OR2M4: variants seen among roughly 807,000 people sequenced by gnomAD.
OR2M4 encodes olfactory receptor family 2 subfamily M member 4, also known as olfactory receptor 2M4.
Under a neutral mutation model 13.7 loss-of-function variants are expected in OR2M4, and 8 were observed. The ratio of observed to expected loss-of-function variants is 0.58; its 90% confidence interval spans 0.34 to 1.05. The LOEUF (loss-of-function observed/expected upper bound fraction) is 1.05. OR2M4 is among the 50% of genes least tolerant of loss of function. The pLI, the probability that OR2M4 is intolerant of heterozygous loss-of-function variation, is 0.02. For synonymous variants in OR2M4, 152 were observed against 141.3 expected (o/e 1.08, Z -0.53); for missense variants, 374 against 381.6 (o/e 0.98, Z 0.17).
intron 1 of OR2M4, among the ~76,000 whole-genome samples, chr1:248,232,744 A>T (rs1666516972): frequency 6.6e-6 from 1 of 152,158 alleles, no homozygotes; most frequent in Non-Finnish European, 1.5e-5. Context: ...AAAGAAAGGT[A>T]CTGCTCCTTC....
In OR2M4 at chr1:248,240,192, T is replaced by G. The variant is rs1277602867; in HGVS notation, c.*328T>G. 5.8e-6 allele frequency: 1 copy of G among 173,764 alleles called. No individual in the cohort carries two copies. The highest frequency in any genetic ancestry group is 1.6e-4 in the East Asian group (1 of 6,216). The allele number at this position is 173,764 out of a possible 1,614,324, so 10.8% of individuals were successfully genotyped here. A position where few individuals can be genotyped will look rare whatever the true frequency, so the allele number is the denominator to read the frequency against. Reference sequence around the variant, plus strand: ...CTGTATCAAAAAGCAAAGGTTGGAGTTGATCCTCTGTTTTTGGAGAGATGC... The same window carrying G: ...CTGTATCAAAAAGCAAAGGTTGGAGGTGATCCTCTGTTTTTGGAGAGATGC... On this transcript the variant is annotated 3_prime_UTR_variant, in exon 2 of 2. Transcript: ENST00000641868.
rs776034539 is a variant in OR2M4 at position 248,239,235 on chromosome 1, T to G, written c.307T>G (p.Phe103Val). The G allele has an allele frequency of 2.2e-5, 35 of 1,614,040 alleles. No homozygotes were observed. The highest frequency in any genetic ancestry group is 3.0e-5 in the Non-Finnish European group (35 of 1,180,024). The part of the protein sequence containing the change: ...SLAGCGTQIF[F>V]YVSLLGAECF... ...GGCAGGTTGTGGAACTCAGATATTC[T>G]TCTATGTGTCCCTGCTTGGAGCTGA... The change falls in exon 2 of 2, where the codon TTC becomes GTC. Residue 103 changes from phenylalanine to valine, a missense_variant. By Grantham distance (50) the Phe-to-Val change is conservative. Coordinates refer to ENST00000641868, the MANE Select transcript of OR2M4 (RefSeq NM_017504.2).
rs1666637140 is a variant in OR2M4, at chr1:248,243,512, C to G, written c.*3648C>G. On this transcript the variant is annotated 3_prime_UTR_variant, in exon 2 of 2. Coordinates refer to ENST00000641868, the MANE Select transcript of OR2M4 (RefSeq NM_017504.2). ...ATTAGATGTTTCGGGCTACAGCCCT[C>G]CCTCAGGCAGAGGCCACAGCAGAGA... is the stretch of plus-strand genomic sequence containing the variant. The G allele has an allele frequency of 1.3e-5, 2 of 152,190 alleles. No homozygotes were observed. The highest frequency in any genetic ancestry group is 4.8e-5 in the African/African-American group (2 of 41,418). The allele number at this position is 152,190 out of a possible 1,614,324, so 9.4% of individuals were successfully genotyped here.
intron 1 of OR2M4, among the ~76,000 whole-genome samples, chr1:248,233,022 T>C (rs1436272289): frequency 1.3e-5 from 2 of 152,160 alleles, no homozygotes; most frequent in East Asian, 3.8e-4. Flanking sequence ...AAATTTTATT[T>C]TGGAATATTG....
Position 248,240,477 on chromosome 1 carries a change from C to T in OR2M4, c.*613C>T, listed in dbSNP as rs911648400. On this transcript the variant is annotated 3_prime_UTR_variant, in exon 2 of 2. Coordinates refer to ENST00000641868, the MANE Select transcript of OR2M4 (RefSeq NM_017504.2). ...AATAAAATTAAATATTTTAAGGAGT[C>T]CACATAAAATATCTATTTGGGCTGC... The T allele has an allele frequency of 2.0e-5, 3 of 152,088 alleles. No individual in the cohort carries two copies. The highest frequency in any genetic ancestry group is 4.4e-5 in the Non-Finnish European group (3 of 68,024). 9.4% of individuals were successfully genotyped at this position (152,088 alleles called of 1,614,324 possible). A position where few individuals can be genotyped will look rare whatever the true frequency, so the allele number is the denominator to read the frequency against.
In OR2M4 at chr1:248,239,713, C is replaced by A. The variant is rs41303133; in HGVS notation, c.785C>A (p.Pro262Gln). Reference sequence around the variant, plus strand: ...GCTGCTATGTTCATGTACATGAGACCAGCTTCTAAACATACGCCAGACCAG... The same window carrying A: ...GCTGCTATGTTCATGTACATGAGACAAGCTTCTAAACATACGCCAGACCAG... ...YGAAMFMYMR[P>Q]ASKHTPDQDK... Residue 262 changes from proline (P) to glutamine (Q), a missense_variant, in exon 2 of 2, where the codon CCA becomes CAA. By Grantham distance (76) the Pro-to-Gln change is moderately conservative (BLOSUM62 -1). Coordinates refer to ENST00000641868, the MANE Select transcript of OR2M4 (RefSeq NM_017504.2). The A allele has an allele frequency of 6.5e-3, 10,450 of 1,614,014 alleles. 45 individuals carry two copies. The highest frequency in any genetic ancestry group is 7.8e-3 in the Non-Finnish European group (9,181 of 1,180,018).
rs567276630 is a variant in OR2M4 at position 248,232,630 on chromosome 1, T to A, written c.-20+1050T>A. On this transcript the variant is annotated intron_variant, in intron 1 of 1. Coordinates refer to ENST00000641868, the MANE Select transcript of OR2M4 (RefSeq NM_017504.2). ...ATTCTTCTCCATTTTTCATTAATAA[T>A]TGGCATAAAATCATATGGAAGAATC... Among the ~76,000 whole-genome samples the A allele has an allele frequency of 3.9e-4, 59 of 152,244 alleles. No homozygotes were observed. The South Asian group carries it at 0.012, about 32-fold the overall frequency.
At chr1:248,237,606 T>C (rs1264000753) in intron 1 of OR2M4, among the ~76,000 whole-genome samples, 2 of 151,940 alleles carry the variant, frequency 1.3e-5, no homozygotes, top group Non-Finnish European at 1.5e-5. Context: ...TGAGCCAAGA[T>C]TGCACCATTG....
intron 1 of OR2M4, among the ~76,000 whole-genome samples, chr1:248,233,292 T>G (rs1322928477): frequency 6.6e-6 from 1 of 152,122 alleles, no homozygotes. Flanking sequence ...CCACATACCA[T>G]TAAGATGTAA....
At chr1:248,237,381 C>T (rs1299953885) in intron 1 of OR2M4, among the ~76,000 whole-genome samples, 1 of 152,046 alleles carries the variant, frequency 6.6e-6, no homozygotes, top group Non-Finnish European at 1.5e-5. Context: ...TAGCCAGGCA[C>T]GGTGGCTCAT....
intron 1 of OR2M4, among the ~76,000 whole-genome samples, chr1:248,237,230 C>A (rs1666565845): frequency 6.6e-6 from 1 of 152,190 alleles, no homozygotes; most frequent in African/African-American, 2.4e-5. Flanking sequence ...AAGTCAGCTT[C>A]ATCCCTGGTT....
At position 248,238,890 on chromosome 1, in the gene OR2M4, A is replaced by C. The variant is rs1361489125; in HGVS notation, c.-19-20A>C. On this transcript the variant is annotated intron_variant, in intron 1 of 1. Coordinates refer to ENST00000641868, the MANE Select transcript of OR2M4 (RefSeq NM_017504.2). The stretch of plus-strand genomic sequence containing the variant: ...AAACTGAATTGATAAATAAGCTTGT[A>C]CCTTCTTTGGAATTCTCAGATAAGG... 1 of 1,414,668 alleles carries C rather than the reference A, an allele frequency of 7.1e-7. No homozygotes were observed. Among genetic ancestry groups the C allele is most frequent in the African/African-American group, 1.4e-5 (1 of 69,910 alleles). The allele number at this position is 1,414,668 out of a possible 1,614,324, so 87.6% of individuals were successfully genotyped here. A position where few individuals can be genotyped will look rare whatever the true frequency, so the allele number is the denominator to read the frequency against.
At chr1:248,234,061 C>T (rs1415292789) in intron 1 of OR2M4, among the ~76,000 whole-genome samples, 1 of 152,114 alleles carries the variant, frequency 6.6e-6, no homozygotes, top group Admixed American at 6.5e-5. Context: ...GTGCAATGTC[C>T]AAGATATTTT....
intron 1 of OR2M4, among the ~76,000 whole-genome samples, chr1:248,233,008 A>C (rs1328902019): frequency 1.3e-5 from 2 of 152,178 alleles, no homozygotes; most frequent in African/African-American, 4.8e-5. Flanking sequence ...AAAATGGATA[A>C]TGTAAATTTT....
intron 1 of OR2M4, among the ~76,000 whole-genome samples, chr1:248,238,050 G>A (rs74155241): frequency 0.034 from 5,129 of 152,280 alleles, 244 homozygotes; most frequent in African/African-American, 0.11. Context: ...TGCATGAGGT[G>A]ATGGTCACAC....
In OR2M4 at chr1:248,239,377, C is replaced by A. The variant is rs763034260; in HGVS notation, c.449C>A (p.Thr150Asn). The change falls in exon 2 of 2, where the codon ACC becomes AAC. Residue 150 changes from threonine (T) to asparagine (N), a missense_variant. Transcript: ENST00000641868. The stretch of plus-strand genomic sequence containing the variant: ...GTCTTCATGACTGTTGCTTCCTGGA[C>A]CTTGGGGTCTCTTGATGGGATCATA... ...LCVFMTVASWTLGSLDGIIVL... is the reference protein window; with the variant it reads ...LCVFMTVASWNLGSLDGIIVL... 5 of 1,613,890 alleles carry A rather than the reference C, an allele frequency of 3.1e-6. No individual in the cohort carries two copies. In the African/African-American group the frequency reaches 6.7e-5, roughly 22 times the overall value.
intron 1 of OR2M4, among the ~76,000 whole-genome samples, chr1:248,231,816 C>A (rs758271222): frequency 2.6e-5 from 4 of 152,060 alleles, no homozygotes; most frequent in Non-Finnish European, 5.9e-5. Context: ...CTCCTGCAAT[C>A]CTGGACTCTC....
intron 1 of OR2M4, among the ~76,000 whole-genome samples, chr1:248,237,656 AAAAAC>A (rs1057393980): frequency 6.6e-6 from 1 of 151,958 alleles, no homozygotes; most frequent in Non-Finnish European, 1.5e-5. Flanking sequence ...TGTCCCCCCC[AAAAAC>A]AAAACAAAAC....
chr1:248,240,161 T>TCTTA lies in OR2M4; in HGVS notation c.*298_*301dup. ...TGAAGCCAGGTATAAGTCCGAAGGG[T>TCTTA]CTTAGCTGTATCAAAAAGCAAAGGT... On this transcript the variant is annotated 3_prime_UTR_variant, in exon 2 of 2. Transcript: ENST00000641868. The TCTTA allele has an allele frequency of 4.8e-6, 1 of 206,334 alleles. No individual in the cohort carries two copies. Among genetic ancestry groups the TCTTA allele is most frequent in the Non-Finnish European group, 9.6e-6 (1 of 104,076 alleles). 12.8% of individuals were successfully genotyped at this position (206,334 alleles called of 1,614,324 possible). A position where few individuals can be genotyped will look rare whatever the true frequency, so the allele number is the denominator to read the frequency against.
Sources: gnomAD v4.1 joint callset for allele counts (sites outside exome capture counted in the v4.1 genomes callset) on GRCh38, gnomAD v4.1.1 for gene constraint, MANE v1.5 for transcripts, NCBI Gene and HGNC (gene_info 2026-07-23, HGNC 2026-07-21) for gene names.